VCAN: variants seen among roughly 807,000 people sequenced by gnomAD.
VCAN encodes the protein versican core protein.
VCAN carries 44 observed loss-of-function variants against 245.5 expected under a neutral mutation model. The ratio of observed to expected loss-of-function variants is 0.18; its 90% CI spans 0.14 to 0.23. The LOEUF (loss-of-function observed/expected upper bound fraction) is 0.23. Ranked by LOEUF, VCAN falls within the 10% of genes least tolerant of loss-of-function variation. The probability of loss-of-function intolerance (pLI) is 1.00; values close to 1 mark genes in which losing one functional copy is unlikely to be tolerated. For synonymous variants in VCAN, 1,413 were observed against 1,437.0 expected (o/e 0.98, Z 0.38); for missense variants, 3,793 against 4,057.9 (o/e 0.93, Z 1.77).
At chr5:83,576,443 A>G (rs1748483269) in intron 13 of VCAN, among the ~76,000 whole-genome samples, 1 of 152,084 alleles carries the variant, frequency 6.6e-6, no homozygotes, top group Non-Finnish European at 1.5e-5. Flanking sequence ...TTGTATAACT[A>G]TACAACATTT....
rs752518174 is a variant in VCAN at position 83,519,971 on chromosome 5, G to A, written c.1665G>A (p.Glu555=). The change falls in exon 7 of 15, where the codon GAG becomes GAA. Residue 555 remains glutamate, a synonymous_variant. Coordinates refer to ENST00000265077, the MANE Select transcript of VCAN (RefSeq NM_004385.5). ...ACTATGGATTCACCTTGGGAGAAGA[G>A]GATGATGAAGACAGAACACTTACAG... ...TGHYGFTLGE[E]DDEDRTLTVG... is the part of the protein sequence containing the mutation. 3.5e-5 allele frequency: 57 copies of A among 1,614,084 alleles called. No individual in the cohort carries two copies. Among genetic ancestry groups the A allele is most frequent in the Non-Finnish European group, 4.7e-5 (55 of 1,179,964 alleles).
chr5:83,561,681 A>T (rs78483393), intron 12 of VCAN, among the ~76,000 whole-genome samples: 4,031 of 152,244 alleles, frequency 0.026, 70 homozygotes, highest in Non-Finnish European at 0.041. Context: ...GTATTGTGAG[A>T]AAAGCCAGCT....
chr5:83,488,321 T>C (rs565465120), intron 2 of VCAN, among the ~76,000 whole-genome samples: 6 of 152,340 alleles, frequency 3.9e-5, no homozygotes, highest in South Asian at 2.1e-4. Context: ...TAAATACTTA[T>C]AGAAATAGGA....
chr5:83,557,960 C>T (rs1375051113), intron 12 of VCAN, among the ~76,000 whole-genome samples: 2 of 152,128 alleles, frequency 1.3e-5, no homozygotes, highest in African/African-American at 4.8e-5. Context: ...GACAGACCCT[C>T]GGTTTCTTCT....
intron 1 of VCAN, among the ~76,000 whole-genome samples, chr5:83,481,145 C>T (rs1744598124): frequency 6.6e-6 from 1 of 150,512 alleles, no homozygotes; most frequent in Admixed American, 6.6e-5. Flanking sequence ...ATAAAGATTT[C>T]CTGGAAAAAA....
intron 5 of VCAN, 133 bp downstream of exon 5, chr5:83,494,064 T>G (rs1427470417): frequency 1.1e-5 from 16 of 1,460,476 alleles, no homozygotes; most frequent in Non-Finnish European, 1.5e-5. Context: ...TACGACTGTA[T>G]GATTTTGTGG....
chr5:83,512,358 C>A lies in VCAN; in HGVS notation c.1004C>A (p.Pro335His). The A allele has an allele frequency of 6.2e-7, 1 of 1,611,118 alleles. No individual in the cohort carries two copies. The highest frequency in any genetic ancestry group is 1.1e-5 in the South Asian group (1 of 90,996). The change falls in exon 6 of 15, where the codon CCT becomes CAT. Residue 335 changes from proline to histidine, a missense_variant. Coordinates refer to ENST00000265077, the MANE Select transcript of VCAN (RefSeq NM_004385.5). ...CGTTTTGAGAACCAGACAGGCTTCC[C>A]TCCCCCTGATAGCAGATTTGATGCC... ...LYRFENQTGF[P>H]PPDSRFDAYC...
In VCAN at chr5:83,580,272, G is replaced by T. The variant is rs139744483; in HGVS notation, c.10064-35G>T. The stretch of plus-strand genomic sequence containing the variant: ...TAGGGTATGGAGCAAGTAATATTGT[G>T]TGTTTTCTTTTTTTCTTTCTTTCCT... On this transcript the variant is annotated intron_variant, in intron 14 of 14. Transcript: ENST00000265077. The T allele has an allele frequency of 5.6e-6, 9 of 1,613,738 alleles. No homozygotes were observed. In the East Asian group the frequency reaches 1.8e-4, roughly 32 times the overall value.
chr5:83,550,064 G>T (rs1246208159), intron 10 of VCAN, among the ~76,000 whole-genome samples: 2 of 152,176 alleles, frequency 1.3e-5, no homozygotes, highest in African/African-American at 4.8e-5. Context: ...TCTAGAAAGG[G>T]CTATTGGAAC....
chr5:83,509,722 C>T (rs557456183), intron 5 of VCAN, among the ~76,000 whole-genome samples: 19 of 152,280 alleles, frequency 1.2e-4, no homozygotes, highest in Admixed American at 1.1e-3. Context: ...TGGCACGCTG[C>T]CTTCTTTACA....
chr5:83,503,996 G>A (rs1162392967), intron 5 of VCAN, among the ~76,000 whole-genome samples: 1 of 152,124 alleles, frequency 6.6e-6, no homozygotes, highest in Non-Finnish European at 1.5e-5. Flanking sequence ...AGTCTGCCAA[G>A]AAGCAGCTTT....
Position 83,493,659 on chromosome 5 carries a change from G to A in VCAN, c.559G>A (p.Ala187Thr). ...AVIATPEQLF[A>T]AYEDGFEQCD... ...CATAGCAACTCCAGAGCAGCTCTTT[G>A]CTGCCTATGAAGATGGATTTGAGCA... The change falls in exon 4 of 15, where the codon GCT becomes ACT. Residue 187 changes from alanine (A) to threonine (T), a missense_variant. By Grantham distance (58) the Ala-to-Thr change is moderately conservative. Transcript: ENST00000265077. The A allele has an allele frequency of 1.9e-6, 3 of 1,614,150 alleles. 1 individual carries two copies. The South Asian group carries it at 3.3e-5, about 18-fold the overall frequency.
chr5:83,573,674 T>A (rs1003452434), intron 13 of VCAN, among the ~76,000 whole-genome samples: 1 of 152,136 alleles, frequency 6.6e-6, no homozygotes, highest in Non-Finnish European at 1.5e-5. Context: ...AAAACATACA[T>A]ATATTTTCAA....
chr5:83,508,859 A>T (rs1745559204), intron 5 of VCAN, among the ~76,000 whole-genome samples: 1 of 152,176 alleles, frequency 6.6e-6, no homozygotes, highest in South Asian at 2.1e-4. Flanking sequence ...CACATAATTG[A>T]AAAGGATAAG....
At chr5:83,518,668 A>T (rs1745954131) in intron 6 of VCAN, among the ~76,000 whole-genome samples, 1 of 152,240 alleles carries the variant, frequency 6.6e-6, no homozygotes, top group Admixed American at 6.5e-5. Flanking sequence ...AAACAAATCT[A>T]CACCATGAAG....
At chr5:83,564,565 G>A (rs762308377) in intron 12 of VCAN, among the ~76,000 whole-genome samples, 11 of 152,100 alleles carry the variant, frequency 7.2e-5, no homozygotes, top group Non-Finnish European at 1.3e-4. Context: ...CAAATATTAG[G>A]ACCTATCTGT....
At chr5:83,574,119 C>T (rs2112502056) in intron 13 of VCAN, among the ~76,000 whole-genome samples, 1 of 152,206 alleles carries the variant, frequency 6.6e-6, no homozygotes, top group East Asian at 1.9e-4. Flanking sequence ...GAAGTCTGTC[C>T]CAGCTCTCAG....
intron 12 of VCAN, among the ~76,000 whole-genome samples, chr5:83,571,746 T>G (rs1398649863): frequency 6.6e-6 from 1 of 152,154 alleles, no homozygotes; most frequent in Non-Finnish European, 1.5e-5. Context: ...CATTTCATAT[T>G]AAATCATAAA....
chr5:83,528,921 A>C (rs1554039858), intron 7 of VCAN, among the ~76,000 whole-genome samples: 1 of 151,196 alleles, frequency 6.6e-6, no homozygotes. Flanking sequence ...CTATTATTAT[A>C]TGGAATGATA....
Sources: allele counts gnomAD v4.1 joint callset (sites outside exome capture counted in the v4.1 genomes callset), GRCh38; gene constraint gnomAD v4.1.1; transcripts MANE v1.5; gene names NCBI Gene and HGNC (gene_info 2026-07-23, HGNC 2026-07-21).